SCTR: variants seen among roughly 807,000 people sequenced by gnomAD.
SCTR encodes pancreatic secretin receptor.
Under a neutral mutation model 60.8 loss-of-function variants are expected in SCTR, and 56 were observed. The observed-to-expected ratio is 0.92, with a 90% CI of 0.74 to 1.15. The LOEUF (loss-of-function observed/expected upper bound fraction) is 1.15, where lower values mean the gene tolerates loss of function less well. SCTR is among the 50% of genes most tolerant of loss of function. SCTR has a pLI of 0.00. For missense variants in SCTR, 562 were observed against 550.4 expected (o/e 1.02, Z -0.21); for synonymous variants, 202 against 217.0 (o/e 0.93, Z 0.61).
rs147803971 is a variant in SCTR at position 119,447,574 on chromosome 2, T to C, written c.1014-689A>G. 1.1e-4 allele frequency among the ~76,000 whole-genome samples: 17 copies of C among 152,248 alleles called. No homozygotes were observed. In the East Asian group the frequency reaches 2.3e-3, roughly 21 times the overall value. Reference sequence around the variant, plus strand: ...ACTAATTTGTCCTGTTTTTGTTTTGTTTTTTTCTTCTTTTTGAGACAGAGT... The same window carrying C: ...ACTAATTTGTCCTGTTTTTGTTTTGCTTTTTTCTTCTTTTTGAGACAGAGT... On this transcript the variant is annotated intron_variant, in intron 10 of 12. Coordinates refer to ENST00000019103, the MANE Select transcript of SCTR (RefSeq NM_002980.3).
At chr2:119,496,167 T>C (rs1678336446) in intron 1 of SCTR, among the ~76,000 whole-genome samples, 1 of 152,182 alleles carries the variant, frequency 6.6e-6, no homozygotes, top group Non-Finnish European at 1.5e-5. Flanking sequence ...AGTGGAAAAA[T>C]CCACCTAGAG....
At chr2:119,453,522 G>T (rs1001158295) in intron 7 of SCTR, among the ~76,000 whole-genome samples, 175 bp from the exon 8 acceptor site, 1 of 152,246 alleles carries the variant, frequency 6.6e-6, no homozygotes, top group Non-Finnish European at 1.5e-5. Flanking sequence ...GGCACCATGT[G>T]CCTCAAGGGT....
chr2:119,494,199 A>G (rs898877562), intron 2 of SCTR, among the ~76,000 whole-genome samples: 3 of 152,182 alleles, frequency 2.0e-5, no homozygotes, highest in African/African-American at 7.2e-5. Flanking sequence ...AACACCGGCT[A>G]TGTTTACTTG....
chr2:119,522,895 G>A (rs962222305), intron 1 of SCTR, among the ~76,000 whole-genome samples: 1 of 152,202 alleles, frequency 6.6e-6, no homozygotes, highest in Non-Finnish European at 1.5e-5. Context: ...TCCAAGGCCA[G>A]CACTGCCACT....
chr2:119,469,231 C>T (rs1486725328), intron 4 of SCTR, among the ~76,000 whole-genome samples: 1 of 152,110 alleles, frequency 6.6e-6, no homozygotes, highest in East Asian at 1.9e-4. Context: ...TACAGATGAG[C>T]CGCATTGCAG....
At chr2:119,461,809 A>G (rs1419180237) in intron 7 of SCTR, 38 bp downstream of exon 7, 10 of 1,564,336 alleles carry the variant, frequency 6.4e-6, no homozygotes, top group African/African-American at 1.4e-5. Flanking sequence ...ACCCCTTCCC[A>G]CATACCATGC....
At chr2:119,487,804 T>C (rs1433118879) in intron 2 of SCTR, among the ~76,000 whole-genome samples, 1 of 152,180 alleles carries the variant, frequency 6.6e-6, no homozygotes, top group Non-Finnish European at 1.5e-5. Flanking sequence ...GACAGCTCCT[T>C]GAGTGGTGTT....
chr2:119,461,806 C>T (rs372484879), intron 7 of SCTR, 41 bp downstream of exon 7: 1 of 1,563,654 alleles, frequency 6.4e-7, no homozygotes, highest in South Asian at 1.2e-5. Context: ...AGCACCCCTT[C>T]CCACATACCA....
intron 3 of SCTR, among the ~76,000 whole-genome samples, chr2:119,477,445 G>C (rs1323410816): frequency 6.6e-6 from 1 of 151,590 alleles, no homozygotes; most frequent in East Asian, 2.0e-4. Flanking sequence ...TTTTTTGTTT[G>C]TTTGTTTGTT....
At chr2:119,475,917 A>T (rs1444377026) in intron 3 of SCTR, among the ~76,000 whole-genome samples, 1 of 151,848 alleles carries the variant, frequency 6.6e-6, no homozygotes, top group African/African-American at 2.4e-5. Flanking sequence ...GTTTTTTAAT[A>T]AGGAACTCTG....
At chr2:119,450,207 T>G (rs1683109305) in intron 9 of SCTR, among the ~76,000 whole-genome samples, 1 of 152,102 alleles carries the variant, frequency 6.6e-6, no homozygotes, top group African/African-American at 2.4e-5. Context: ...TTCCCAAGAA[T>G]GAGTCCATTT....
chr2:119,474,520 G>A (rs1677179887), intron 3 of SCTR, among the ~76,000 whole-genome samples: 1 of 152,210 alleles, frequency 6.6e-6, no homozygotes, highest in Non-Finnish European at 1.5e-5. Flanking sequence ...TCAGGCCGGT[G>A]TAAGTGTTGC....
At chr2:119,517,133 A>C (rs1289351507) in intron 1 of SCTR, among the ~76,000 whole-genome samples, 4 of 151,922 alleles carry the variant, frequency 2.6e-5, no homozygotes, top group Admixed American at 2.6e-4. Context: ...TTCACTGTGT[A>C]TTTCAAAATA....
rs180876485 is a variant in SCTR at position 119,503,901 on chromosome 2, A to G, written c.73-9353T>C. On this transcript the variant is annotated intron_variant, in intron 1 of 12. Transcript: ENST00000019103. ...TGGAGAGGAGGGATTGAAGGGGTAT[A>G]TGGAAACTCTTTGTACTTTCCACTC... is the stretch of plus-strand genomic sequence containing the variant. Among the ~76,000 whole-genome samples the G allele has an allele frequency of 8.5e-5, 13 of 152,314 alleles. No individual in the cohort carries two copies. In the Middle Eastern group the frequency reaches 0.01, roughly 120 times the overall value.
intron 10 of SCTR, 129 bp downstream of exon 10, chr2:119,448,560 G>A (rs879550322): frequency 2.0e-5 from 13 of 643,478 alleles, no homozygotes; most frequent in South Asian, 5.5e-5. Flanking sequence ...CCATGTACCT[G>A]GTAAACTTCT....
chr2:119,522,261 G>A lies in SCTR; in HGVS notation c.72+1894C>T, dbSNP rs182919366. ...CAGTAAGCCAAGATCGCGCCACTGC[G>A]CTCCAGCCTGGGCAACAAGAGTGAA... On this transcript the variant is annotated intron_variant, in intron 1 of 12. Coordinates refer to ENST00000019103, the MANE Select transcript of SCTR (RefSeq NM_002980.3). Among the ~76,000 whole-genome samples the A allele has an allele frequency of 8.1e-3, 1,223 of 151,674 alleles. 15 individuals carry two copies. Among genetic ancestry groups the A allele is most frequent in the African/African-American group, 0.023 (968 of 41,356 alleles).
rs929908322 is a variant in SCTR, at chr2:119,491,588, T to C, written c.193+2840A>G. On this transcript the variant is annotated intron_variant, in intron 2 of 12. Coordinates refer to ENST00000019103, the MANE Select transcript of SCTR (RefSeq NM_002980.3). ...GTGCAATGGTGCGATCTTGGCTCAC[T>C]GCAACCTCAGCCTCCTGGGTTCAAG... Among the ~76,000 whole-genome samples the C allele has an allele frequency of 2.0e-5, 3 of 152,320 alleles. No individual in the cohort carries two copies. The South Asian group carries it at 6.2e-4, about 32-fold the overall frequency.
chr2:119,441,504 G>A (rs1682652837), intron 12 of SCTR, 54 bp downstream of exon 12: 1 of 1,480,354 alleles, frequency 6.8e-7, no homozygotes, highest in African/African-American at 1.4e-5. Flanking sequence ...TTCTGACCCG[G>A]AAACCAATGG....
intron 2 of SCTR, among the ~76,000 whole-genome samples, chr2:119,482,632 C>T (rs1015885934): frequency 1.3e-5 from 2 of 152,210 alleles, no homozygotes; most frequent in African/African-American, 2.4e-5. Context: ...TCCCCAGGGA[C>T]GGCTCCGCCA....
Sources: gnomAD v4.1 joint callset for allele counts (sites outside exome capture counted in the v4.1 genomes callset) on GRCh38, gnomAD v4.1.1 for gene constraint, MANE v1.5 for transcripts, NCBI Gene and HGNC (gene_info 2026-07-23, HGNC 2026-07-21) for gene names.